The following TSPAN9 variants were observed in gnomAD, a reference collection of about 807,000 sequenced individuals.
The protein encoded by TSPAN9 is tetraspanin-9.
A neutral mutation model predicts 31.0 loss-of-function variants in TSPAN9; 16 were observed. The observed-to-expected ratio is 0.52, with a 90% confidence interval of 0.35 to 0.78. The LOEUF (loss-of-function observed/expected upper bound fraction) is 0.78. Among genes scored for constraint, TSPAN9 ranks in the 30% least tolerant of loss-of-function variants. The probability of loss-of-function intolerance (pLI) is 0.01; values close to 1 mark genes in which losing one functional copy is unlikely to be tolerated. For missense variants in TSPAN9, 272 were observed against 312.5 expected (o/e 0.87, Z 0.98); for synonymous variants, 145 against 121.6 (o/e 1.19, Z -1.27).
chr12:3,173,939 G>A (rs2098353566), intron 2 of TSPAN9: 1 of 152,282 alleles, frequency 6.6e-6, no homozygotes, highest in Non-Finnish European at 1.5e-5. Context: ...ATCTCTGCCT[G>A]ATAAATGTTT....
intron 3 of TSPAN9, among the ~76,000 whole-genome samples, chr12:3,202,587 G>A (rs527260895): frequency 6.6e-6 from 1 of 152,236 alleles, no homozygotes; most frequent in African/African-American, 2.4e-5. Context: ...GTCCAATAGG[G>A]GCTGTCGTGA....
rs71577848 is a variant in TSPAN9, at chr12:3,278,350, C to T, written c.64-71C>T. The T allele has an allele frequency of 9.1e-5, 144 of 1,576,898 alleles. 1 individual carries two copies. In the African/African-American group the frequency reaches 1.2e-3, roughly 13 times the overall value. On this transcript the variant is annotated intron_variant, in intron 3 of 8. Transcript: ENST00000011898. ...GTGTCTCAGAGCATGGGGTGGGGAC[C>T]TGCACTGTTCCCAGGTCCATGGACG... is the stretch of plus-strand genomic sequence containing the variant.
chr12:3,189,995 G>A (rs968626597), intron 2 of TSPAN9, among the ~76,000 whole-genome samples: 5 of 152,186 alleles, frequency 3.3e-5, no homozygotes, highest in Admixed American at 1.3e-4. Context: ...ACATGCACAG[G>A]CTCCCTCCCA....
intron 3 of TSPAN9, among the ~76,000 whole-genome samples, chr12:3,248,139 G>A (rs913829752): frequency 1.1e-4 from 16 of 152,286 alleles, no homozygotes; most frequent in African/African-American, 3.8e-4. Flanking sequence ...GGCAATGTCT[G>A]TCCCCTGGGG....
intron 2 of TSPAN9, among the ~76,000 whole-genome samples, chr12:3,156,800 T>A (rs1347838298): frequency 6.6e-6 from 1 of 151,772 alleles, no homozygotes; most frequent in Non-Finnish European, 1.5e-5. Flanking sequence ...GAGCCACCAC[T>A]CCCGGCCTGC....
intron 2 of TSPAN9, among the ~76,000 whole-genome samples, chr12:3,139,259 C>G (rs2098333601): frequency 6.6e-6 from 1 of 152,218 alleles, no homozygotes; most frequent in Admixed American, 6.5e-5. Context: ...CAGGGTTGTT[C>G]TCGATCCTTC....
intron 2 of TSPAN9, among the ~76,000 whole-genome samples, chr12:3,092,595 G>T (rs2098305382): frequency 6.6e-6 from 1 of 152,196 alleles, no homozygotes; most frequent in African/African-American, 2.4e-5. Flanking sequence ...CCCCTGAGAG[G>T]AGATGCCTGC....
chr12:3,106,674 G>A (rs371802936), intron 2 of TSPAN9, among the ~76,000 whole-genome samples: 1 of 152,198 alleles, frequency 6.6e-6, no homozygotes, highest in Non-Finnish European at 1.5e-5. Context: ...GGGAGGTTGA[G>A]GTGGGGGGAT....
intron 2 of TSPAN9, among the ~76,000 whole-genome samples, chr12:3,089,678 A>C (rs556088457): frequency 4.5e-4 from 68 of 151,980 alleles, no homozygotes; most frequent in African/African-American, 1.5e-3. Flanking sequence ...TGGGGGGCCG[A>C]GGTGGGAGGA....
intron 2 of TSPAN9, among the ~76,000 whole-genome samples, chr12:3,179,975 G>T (rs963273524): frequency 2.0e-5 from 3 of 152,118 alleles, no homozygotes; most frequent in Admixed American, 1.3e-4. Flanking sequence ...TCCTGGCCAG[G>T]TGCAGCTCCT....
chr12:3,181,318 C>T (rs973599845), intron 2 of TSPAN9, among the ~76,000 whole-genome samples: 2 of 152,154 alleles, frequency 1.3e-5, no homozygotes, highest in Non-Finnish European at 2.9e-5. Flanking sequence ...TGTGGTTGGA[C>T]ATTTATTGTA....
rs145326016 is a variant in TSPAN9, at chr12:3,172,602, T to A, written c.-17-28575T>A. 3 of 152,216 alleles carry A rather than the reference T, an allele frequency of 2.0e-5. No homozygotes were observed. The highest frequency in any genetic ancestry group is 7.2e-5 in the African/African-American group (3 of 41,496). The allele number at this position is 152,216 out of a possible 1,614,324, so 9.4% of individuals were successfully genotyped here. On this transcript the variant is annotated intron_variant, in intron 2 of 8. Coordinates refer to ENST00000011898, the MANE Select transcript of TSPAN9 (RefSeq NM_006675.5). The surrounding 1 kb of genome is among the most constrained non-coding windows in gnomAD (Gnocchi z 4.8). ...GACGTTTGGTTGGCCCTGCCAGCGGTGCTCACGAGGCCCACTCCTGGCCAA... is the reference window on the plus strand; with the variant it reads ...GACGTTTGGTTGGCCCTGCCAGCGGAGCTCACGAGGCCCACTCCTGGCCAA...
At chr12:3,272,673 G>A (rs1395321832) in intron 3 of TSPAN9, among the ~76,000 whole-genome samples, 1 of 152,040 alleles carries the variant, frequency 6.6e-6, no homozygotes, top group African/African-American at 2.4e-5. Flanking sequence ...GCGAGGGGCC[G>A]CTCCCACCAG....
intron 3 of TSPAN9, among the ~76,000 whole-genome samples, chr12:3,254,616 G>A (rs1862311508): frequency 6.6e-6 from 1 of 152,212 alleles, no homozygotes; most frequent in Admixed American, 6.5e-5. Flanking sequence ...ACGTTCACCA[G>A]GCACCAGGCA....
intron 2 of TSPAN9, among the ~76,000 whole-genome samples, chr12:3,111,318 C>T (rs1278831981): frequency 2.6e-5 from 4 of 152,192 alleles, no homozygotes; most frequent in Non-Finnish European, 5.9e-5. Flanking sequence ...ATTTTTGGTT[C>T]ATAGTTGGAT....
At chr12:3,196,084 C>G (rs2098366927) in intron 2 of TSPAN9, among the ~76,000 whole-genome samples, 1 of 152,236 alleles carries the variant, frequency 6.6e-6, no homozygotes. Flanking sequence ...TCCGTGGGTC[C>G]TTGTTCCGCG....
chr12:3,118,842 C>T (rs2098323786), intron 2 of TSPAN9, among the ~76,000 whole-genome samples: 1 of 152,192 alleles, frequency 6.6e-6, no homozygotes, highest in Non-Finnish European at 1.5e-5. Context: ...TTCTTCCCTC[C>T]GGCCCCTCCA....
chr12:3,222,050 G>T (rs567985487), intron 3 of TSPAN9, among the ~76,000 whole-genome samples: 2 of 152,298 alleles, frequency 1.3e-5, no homozygotes, highest in South Asian at 4.1e-4. Flanking sequence ...GAAAGAAAGC[G>T]GCCAGCTACC....
chr12:3,148,964 G>C (rs538037731), intron 2 of TSPAN9, among the ~76,000 whole-genome samples: 8 of 152,210 alleles, frequency 5.3e-5, no homozygotes, highest in Admixed American at 1.3e-4. Context: ...GTCTCCAGTT[G>C]CTGAGGGAAG....
Sources: allele counts gnomAD v4.1 joint callset (sites outside exome capture counted in the v4.1 genomes callset), GRCh38; gene constraint gnomAD v4.1.1; non-coding constraint Gnocchi (gnomAD v3.1); transcripts MANE v1.5; gene names NCBI Gene and HGNC (gene_info 2026-07-23, HGNC 2026-07-21).